LFNG: variants seen among roughly 807,000 people sequenced by gnomAD.
LFNG encodes LFNG O-fucosylpeptide 3-beta-N-acetylglucosaminyltransferase.
LFNG carries 15 observed loss-of-function variants against 32.7 expected under a neutral mutation model. That is an observed-to-expected ratio of 0.46 (90% CI 0.31 to 0.71). The LOEUF (loss-of-function observed/expected upper bound fraction) is 0.71, where lower values mean the gene tolerates loss of function less well. LFNG is among the 30% of genes least tolerant of loss of function. LFNG has a pLI of 0.06. For missense variants in LFNG, 520 were observed against 545.7 expected, an observed-to-expected ratio of 0.95 and a Z score of 0.47; for synonymous variants, 274 against 246.8, an observed-to-expected ratio of 1.11 and a Z score of -1.03.
At chr7:2,515,084 A>ACCTT (rs1779592531), upstream of LFNG, among the ~76,000 whole-genome samples, 1 of 150,716 alleles carries the variant, frequency 6.6e-6, no homozygotes, top group African/African-American at 2.5e-5. Context: ...CCGTCCATCC[A>ACCTT]TCCATCCATC....
rs1224542923 is a variant in LFNG, at chr7:2,526,479, C to T, written c.987+70C>T. ...AGGGACGTGTGGCTGCCGAGAGGGG[C>T]GCAGTGGGGTGGGGCACTGTTCTAA... On this transcript the variant is annotated intron_variant, in intron 6 of 7. Coordinates refer to ENST00000222725, the MANE Select transcript of LFNG (RefSeq NM_001040167.2). This position sits in a 1 kb window ranked among gnomAD's most constrained non-coding sequence, Gnocchi z 6.9. 33 of 1,541,278 alleles carry T rather than the reference C, an allele frequency of 2.1e-5. 1 individual carries two copies. Among genetic ancestry groups the T allele is most frequent in the East Asian group, 2.0e-4 (9 of 44,472 alleles).
At chr7:2,529,067 G>C (rs1354564117), downstream of LFNG, 1 of 413,202 alleles carries the variant, frequency 2.4e-6, no homozygotes. The surrounding 1 kb of genome is among the most constrained non-coding windows in gnomAD (Gnocchi z 4.2). Flanking sequence ...AAGAGTCCTG[G>C]AGAGCAGGAG....
At chr7:2,521,396 G>A (rs1779787180) in intron 1 of LFNG, among the ~76,000 whole-genome samples, 1 of 152,226 alleles carries the variant, frequency 6.6e-6, no homozygotes, top group East Asian at 1.9e-4. Flanking sequence ...TCCCAGCGCC[G>A]GGCGGCTCTC....
At chr7:2,517,646 C>T (rs745334211), upstream of LFNG, 21 of 453,984 alleles carry the variant, frequency 4.6e-5, no homozygotes, top group Non-Finnish European at 8.8e-5. Context: ...CTCACAGCAT[C>T]TTGTCAGGTG....
chr7:2,526,488 G>A lies in LFNG; in HGVS notation c.987+79G>A. ...TGGCTGCCGAGAGGGGCGCAGTGGG[G>A]TGGGGCACTGTTCTAAACAGGGAGG... On this transcript the variant is annotated intron_variant, in intron 6 of 7. Transcript: ENST00000222725. The surrounding 1 kb of genome is among the most constrained non-coding windows in gnomAD (Gnocchi z 6.9). 6.7e-7 allele frequency: 1 copy of A among 1,498,108 alleles called. No homozygotes were observed. Among genetic ancestry groups the A allele is most frequent in the East Asian group, 2.3e-5 (1 of 44,062 alleles). The allele number at this position is 1,498,108 out of a possible 1,614,324, so 92.8% of individuals were successfully genotyped here. A position where few individuals can be genotyped will look rare whatever the true frequency, so the allele number is the denominator to read the frequency against.
upstream of LFNG, chr7:2,513,474 G>A (rs2128372908): frequency 1.0e-6 from 1 of 982,412 alleles, no homozygotes; most frequent in South Asian, 1.9e-5. Flanking sequence ...TGGGATCAGG[G>A]AGGTACACAA....
upstream of LFNG, among the ~76,000 whole-genome samples, chr7:2,517,476 A>G (rs531074604): frequency 5.7e-4 from 87 of 152,222 alleles, no homozygotes; most frequent in Non-Finnish European, 1.0e-4. Context: ...CCCTTGGTAC[A>G]ATATCCCCCT....
chr7:2,520,156 G>A lies in LFNG; in HGVS notation c.295G>A (p.Ala99Thr), dbSNP rs903013824. Reference sequence around the variant, plus strand: ...GCCGCCCGGGGCTGCCCCCCGCCCCGCCGACGGCCACCCGCGCCCCCTGGC... The same window carrying A: ...GCCGCCCGGGGCTGCCCCCCGCCCCACCGACGGCCACCCGCGCCCCCTGGC... ...GPPPGAAPRPADGHPRPLAEP... is the reference protein window; with the variant it reads ...GPPPGAAPRPTDGHPRPLAEP... Residue 99 changes from alanine to threonine, a missense_variant, in exon 1 of 8, where the codon GCC (alanine) becomes ACC (threonine). Physicochemically the swap from Ala to Thr is moderately conservative, Grantham distance 58. Around this residue, in one of 3 missense-constraint regions of LFNG, gnomAD observed 360 missense variants for 354.7 expected, o/e 1.01. Coordinates refer to ENST00000222725, the MANE Select transcript of LFNG (RefSeq NM_001040167.2). The surrounding 1 kb of genome is among the most constrained non-coding windows in gnomAD (Gnocchi z 5.0). 1.7e-5 allele frequency: 25 copies of A among 1,465,274 alleles called. No individual in the cohort carries two copies. In the African/African-American group the frequency reaches 2.6e-4, roughly 15 times the overall value. 90.8% of individuals were successfully genotyped at this position (1,465,274 alleles called of 1,614,324 possible).
upstream of LFNG, among the ~76,000 whole-genome samples, chr7:2,518,996 C>G (rs1321012888): frequency 6.6e-6 from 1 of 152,062 alleles, no homozygotes; most frequent in Admixed American, 6.5e-5. Context: ...CCGCATCTGG[C>G]CCGAGCGCAA....
chr7:2,525,763 T>C lies in LFNG; in HGVS notation c.814T>C (p.Trp272Arg). The change falls in exon 5 of 8, where the codon TGG (tryptophan) becomes CGG (arginine). Residue 272 changes from tryptophan (W) to arginine (R), a missense_variant. By Grantham distance (101) the Trp-to-Arg change is moderately radical (BLOSUM62 -3). Coordinates refer to ENST00000222725, the MANE Select transcript of LFNG (RefSeq NM_001040167.2). ...SRGLALKMSP[W>R]ASGGHFMNTA... is the part of the protein sequence containing the mutation. The stretch of plus-strand genomic sequence containing the variant: ...TGGGCTGGCTCTGAAGATGAGCCCG[T>C]GGGCCAGGTGAGTGCCCTGCACAGG... 1.2e-6 allele frequency: 2 copies of C among 1,611,634 alleles called. No homozygotes were observed. The highest frequency in any genetic ancestry group is 1.7e-6 in the Non-Finnish European group (2 of 1,179,852).
Position 2,512,610 on chromosome 7 carries a change from G to A in LFNG, c.-45G>A, listed in dbSNP as rs748174422. ...GCCAAGGCGGCTCCTGGCCACCCTC[G>A]CAGCTTCCTCCCTCCCTGGCCACAA... is the stretch of plus-strand genomic sequence containing the variant. On this transcript the variant is annotated 5_prime_UTR_variant, in exon 1 of 9. Transcript: ENST00000402506. The A allele has an allele frequency of 2.2e-5, 35 of 1,600,220 alleles. No homozygotes were observed. In the East Asian group the frequency reaches 2.2e-4, roughly 10 times the overall value.
upstream of LFNG, chr7:2,513,382 G>T: frequency 6.6e-7 from 1 of 1,522,980 alleles, no homozygotes; most frequent in Non-Finnish European, 8.9e-7. Context: ...TTCCAGAGCA[G>T]CCTGGAATAT....
In LFNG at chr7:2,519,969, G is replaced by A. The variant is rs2128375090; in HGVS notation, c.108G>A (p.Glu36=). 1.0e-6 allele frequency: 1 copy of A among 983,548 alleles called. No individual in the cohort carries two copies. The highest frequency in any genetic ancestry group is 1.1e-4 in the East Asian group (1 of 8,738). The allele number at this position is 983,548 out of a possible 1,614,324, so 60.9% of individuals were successfully genotyped here. A position where few individuals can be genotyped will look rare whatever the true frequency, so the allele number is the denominator to read the frequency against. The part of the protein sequence containing the change: ...ADPPPPPLPA[E]RGRRALRSLA... ...CGCCGCCGCCTCCACTGCCCGCCGA[G>A]CGCGGCCGGCGCGCGCTGCGCAGCC... The change falls in exon 1 of 8, where the codon GAG becomes GAA. Residue 36 remains glutamate, a synonymous_variant. Transcript: ENST00000222725.
rs1779739086 is a variant in LFNG, at chr7:2,519,988, C to T, written c.127C>T (p.Arg43Cys). The T allele has an allele frequency of 2.0e-6, 2 of 982,132 alleles. No homozygotes were observed. Among genetic ancestry groups the T allele is most frequent in the Non-Finnish European group, 2.4e-6 (2 of 829,604 alleles). The allele number at this position is 982,132 out of a possible 1,614,324, so 60.8% of individuals were successfully genotyped here. A position where few individuals can be genotyped will look rare whatever the true frequency, so the allele number is the denominator to read the frequency against. ...CGCCGAGCGCGGCCGGCGCGCGCTG[C>T]GCAGCCTGGCGGGCCCCGCGGGGGC... ...LPAERGRRAL[R>C]SLAGPAGAAP... is the part of the protein sequence containing the mutation. Residue 43 changes from arginine (R) to cysteine (C), a missense_variant, in exon 1 of 8, where the codon CGC (arginine) becomes TGC (cysteine). Physicochemically the swap from Arg to Cys is radical, Grantham distance 180. Around this residue, in one of 3 missense-constraint regions of LFNG, gnomAD observed 360 missense variants for 354.7 expected, o/e 1.01. Coordinates refer to ENST00000222725, the MANE Select transcript of LFNG (RefSeq NM_001040167.2).
upstream of LFNG, chr7:2,517,868 G>A (rs1184472264): frequency 1.7e-6 from 2 of 1,194,346 alleles, no homozygotes; most frequent in Non-Finnish European, 2.1e-6. Context: ...GCTATGGAGG[G>A]TTTTGCTCTT....
rs768425323 is a variant in LFNG at position 2,525,247 on chromosome 7, C to T, written c.510C>T (p.Ala170=). ...TGNVVITNCS[A]AHSRQALSCK... is the part of the protein sequence containing the mutation. Reference sequence around the variant, plus strand: ...ACGTGGTCATCACAAACTGCTCGGCCGCCCACAGCCGCCAGGCGCTGTCCT... The same window carrying T: ...ACGTGGTCATCACAAACTGCTCGGCTGCCCACAGCCGCCAGGCGCTGTCCT... The change falls in exon 3 of 8, where the codon GCC becomes GCT. Residue 170 remains alanine, a synonymous_variant. Transcript: ENST00000222725. The T allele has an allele frequency of 1.5e-5, 24 of 1,612,814 alleles. No individual in the cohort carries two copies. Among genetic ancestry groups the T allele is most frequent in the Admixed American group, 5.0e-5 (3 of 60,008 alleles).
chr7:2,519,925 C>T lies in LFNG; in HGVS notation c.64C>T (p.Leu22=). The change falls in exon 1 of 8, where the codon CTG becomes TTG. Residue 22 remains leucine (L), a synonymous_variant. Coordinates refer to ENST00000222725, the MANE Select transcript of LFNG (RefSeq NM_001040167.2). ...ALAGALLACL[L]VLTADPPPPP... ...GGCGGGCGCGCTGCTCGCCTGCCTG[C>T]TGGTGCTCACCGCCGACCCGCCGCC... 9.4e-7 allele frequency: 1 copy of T among 1,066,936 alleles called. No individual in the cohort carries two copies. 66.1% of individuals were successfully genotyped at this position (1,066,936 alleles called of 1,614,324 possible). A position where few individuals can be genotyped will look rare whatever the true frequency, so the allele number is the denominator to read the frequency against.
intron 1 of LFNG, among the ~76,000 whole-genome samples, chr7:2,524,194 T>G (rs903928931): frequency 2.6e-5 from 4 of 152,108 alleles, no homozygotes; most frequent in Non-Finnish European, 5.9e-5. Flanking sequence ...AAGGCCTTTG[T>G]CCCCAACCCC....
Position 2,520,117 on chromosome 7 carries a change from A to G in LFNG, c.256A>G (p.Arg86Gly). ...CTTCAGCCTGCTCACCCGCGCGCGCAGAGATGCGGGCCCGCCGCCCGGGGC... is the reference window on the plus strand; with the variant it reads ...CTTCAGCCTGCTCACCCGCGCGCGCGGAGATGCGGGCCCGCCGCCCGGGGC... The part of the protein sequence containing the change: ...EYFSLLTRAR[R>G]DAGPPPGAAP... Residue 86 changes from arginine to glycine, a missense_variant, in exon 1 of 8, where the codon AGA becomes GGA. Arg to Gly is a moderately radical substitution (Grantham distance 125, BLOSUM62 -2). Coordinates refer to ENST00000222725, the MANE Select transcript of LFNG (RefSeq NM_001040167.2). The surrounding 1 kb of genome is among the most constrained non-coding windows in gnomAD (Gnocchi z 5.0). 2.2e-6 allele frequency: 3 copies of G among 1,351,562 alleles called. No individual in the cohort carries two copies. The highest frequency in any genetic ancestry group is 2.9e-6 in the Non-Finnish European group (3 of 1,041,990). 83.7% of individuals were successfully genotyped at this position (1,351,562 alleles called of 1,614,324 possible). A position where few individuals can be genotyped will look rare whatever the true frequency, so the allele number is the denominator to read the frequency against.
Sources: gnomAD v4.1 joint callset for allele counts (sites outside exome capture counted in the v4.1 genomes callset) on GRCh38, gnomAD v4.1.1 for gene constraint, gnomAD v4.1.1 regional missense constraint, Gnocchi (gnomAD v3.1) non-coding constraint, MANE v1.5 for transcripts, NCBI Gene and HGNC (gene_info 2026-07-23, HGNC 2026-07-21) for gene names.